Variants in METTL25B observed in about 807,000 individuals in gnomAD.
The protein encoded by METTL25B is methyltransferase like 25B.
A neutral mutation model predicts 48.4 loss-of-function variants in METTL25B; 38 were observed. The observed-to-expected ratio is 0.78, with a 90% confidence interval of 0.61 to 1.03. The LOEUF (loss-of-function observed/expected upper bound fraction) is 1.03. Among genes scored for constraint, METTL25B ranks in the 50% least tolerant of loss-of-function variants. The pLI is 0.00. For synonymous variants in METTL25B, 230 were observed against 254.5 expected (o/e 0.90, Z 0.92); for missense variants, 537 against 603.7 (o/e 0.89, Z 1.16).
chr1:156,735,893 G>A lies in METTL25B; in HGVS notation c.1290G>A (p.Leu430=). ...CGCTTATTCTACTGGACCGGCTGCT[G>A]TACCTTCAGGAACAGGGTGAGGGTG... ...VETLILLDRL[L]YLQEQGFHAE... is the part of the protein sequence containing the mutation. Residue 430 remains leucine, a synonymous_variant, in exon 7 of 8, where the codon CTG becomes CTA. Transcript: ENST00000368216. The A allele has an allele frequency of 6.2e-7, 1 of 1,611,388 alleles. No individual in the cohort carries two copies. The highest frequency in any genetic ancestry group is 8.5e-7 in the Non-Finnish European group (1 of 1,178,550).
intron 7 of METTL25B, 146 bp from the exon 8 acceptor site, chr1:156,736,486 C>A (rs1245625519): frequency 2.3e-6 from 2 of 860,360 alleles, no homozygotes; most frequent in Admixed American, 2.3e-5. Context: ...GCCTTGGGAA[C>A]CCGTGTTCCT....
Position 156,728,550 on chromosome 1 carries a change from C to T in METTL25B, c.-555C>T, listed in dbSNP as rs1648929947. Reference sequence around the variant, plus strand: ...TCGGCGCGCGCACACCCGCACCGCCCCGACCCCAGGTAGTGAGGCCAGTGA... The same window carrying T: ...TCGGCGCGCGCACACCCGCACCGCCTCGACCCCAGGTAGTGAGGCCAGTGA... On this transcript the variant is annotated 5_prime_UTR_variant, in exon 1 of 8. Coordinates refer to ENST00000368216, the MANE Select transcript of METTL25B (RefSeq NM_015997.4). The T allele has an allele frequency of 3.0e-6, 3 of 985,548 alleles. No homozygotes were observed. The African/African-American group carries it at 5.2e-5, about 17-fold the overall frequency. The allele number at this position is 985,548 out of a possible 1,614,324, so 61.1% of individuals were successfully genotyped here.
Position 156,733,367 on chromosome 1 carries a change from G to C in METTL25B, c.493-10G>C, listed in dbSNP as rs370693645. The C allele has an allele frequency of 1.9e-6, 3 of 1,613,942 alleles. No homozygotes were observed. The Admixed American group carries it at 5.0e-5, about 27-fold the overall frequency. ...GAACAGGGCTGTTTCCATCCTCCTC[G>C]TGACTCCAGGGCCATCTCTCCCGCT... On this transcript the variant is annotated splice_polypyrimidine_tract_variant and intron_variant, in intron 4 of 7. Coordinates refer to ENST00000368216, the MANE Select transcript of METTL25B (RefSeq NM_015997.4).
chr1:156,733,133 C>T lies in METTL25B; in HGVS notation c.492+86C>T, dbSNP rs1558020423. 15 of 1,329,122 alleles carry T rather than the reference C, an allele frequency of 1.1e-5. No individual in the cohort carries two copies. Among genetic ancestry groups the T allele is most frequent in the South Asian group, 6.3e-5 (5 of 78,996 alleles). The allele number at this position is 1,329,122 out of a possible 1,614,324, so 82.3% of individuals were successfully genotyped here. A position where few individuals can be genotyped will look rare whatever the true frequency, so the allele number is the denominator to read the frequency against. ...GCAGGTTATCGGGCCACAGGCCCAG[C>T]GAGGCAGGTGTCAAGAAGCGTGGAA... On this transcript the variant is annotated intron_variant, in intron 4 of 7. Transcript: ENST00000368216.
At position 156,734,503 on chromosome 1, in the gene METTL25B, G is replaced by A. The variant is rs1649568547; in HGVS notation, c.1121+10G>A. 6.4e-7 allele frequency: 1 copy of A among 1,559,682 alleles called. No individual in the cohort carries two copies. Among genetic ancestry groups the A allele is most frequent in the African/African-American group, 1.4e-5 (1 of 73,302 alleles). On this transcript the variant is annotated intron_variant, in intron 6 of 7. Coordinates refer to ENST00000368216, the MANE Select transcript of METTL25B (RefSeq NM_015997.4). ...AGCTCAAGATTGAAGAGTGAGGTTG[G>A]GGGACGGGTGGGGGGCAGTGGAGAG...
chr1:156,736,479 T>C lies in METTL25B; in HGVS notation c.1307-153T>C, dbSNP rs370498767. 5.7e-4 allele frequency: 466 copies of C among 810,616 alleles called. 4 individuals carry two copies. The East Asian group carries it at 0.011, about 19-fold the overall frequency. The allele number at this position is 810,616 out of a possible 1,614,324, so 50.2% of individuals were successfully genotyped here. A position where few individuals can be genotyped will look rare whatever the true frequency, so the allele number is the denominator to read the frequency against. ...GAGGACTGCCTCCCAAGTCAGTGCC[T>C]TGGGAACCCGTGTTCCTTATGGAGA... On this transcript the variant is annotated intron_variant, in intron 7 of 7. Transcript: ENST00000368216.
At chr1:156,730,182 C>T (rs974259191) in intron 1 of METTL25B, among the ~76,000 whole-genome samples, 6 of 152,174 alleles carry the variant, frequency 3.9e-5, no homozygotes, top group Non-Finnish European at 4.4e-5. Context: ...CCCTTGCTTC[C>T]TAGATACTTT....
At position 156,729,083 on chromosome 1, in the gene METTL25B, G is replaced by A; in HGVS notation, c.-22G>A. 1 of 1,456,144 alleles carries A rather than the reference G, an allele frequency of 6.9e-7. No homozygotes were observed. Among genetic ancestry groups the A allele is most frequent in the African/African-American group, 1.4e-5 (1 of 71,374 alleles). 90.2% of individuals were successfully genotyped at this position (1,456,144 alleles called of 1,614,324 possible). Reference sequence around the variant, plus strand: ...CCTGTTCACTGCGTTCTCGCTCCCCGCGCTCCCTGCTGGACCCCGGGATGC... The same window carrying A: ...CCTGTTCACTGCGTTCTCGCTCCCCACGCTCCCTGCTGGACCCCGGGATGC... On this transcript the variant is annotated 5_prime_UTR_variant, in exon 1 of 8. Coordinates refer to ENST00000368216, the MANE Select transcript of METTL25B (RefSeq NM_015997.4).
chr1:156,733,618 T>C, intron 5 of METTL25B, 98 bp downstream of exon 5: 1 of 1,333,236 alleles, frequency 7.5e-7, no homozygotes, highest in Admixed American at 2.1e-5. Flanking sequence ...GTTTCTCAGC[T>C]TGAACTGGTG....
chr1:156,736,909 A>T lies in METTL25B; in HGVS notation c.*156A>T. The T allele has an allele frequency of 4.5e-6, 3 of 671,622 alleles. No homozygotes were observed. The allele number at this position is 671,622 out of a possible 1,614,324, so 41.6% of individuals were successfully genotyped here. A position where few individuals can be genotyped will look rare whatever the true frequency, so the allele number is the denominator to read the frequency against. On this transcript the variant is annotated 3_prime_UTR_variant, in exon 8 of 8. Coordinates refer to ENST00000368216, the MANE Select transcript of METTL25B (RefSeq NM_015997.4). ...TTTCTCTCCTTCCATGGATTATGTAATACATTGTAAAGTTTTAATTAATTA... is the reference window on the plus strand; with the variant it reads ...TTTCTCTCCTTCCATGGATTATGTATTACATTGTAAAGTTTTAATTAATTA...
chr1:156,733,741 T>G (rs760923427), intron 5 of METTL25B: 7 of 647,592 alleles, frequency 1.1e-5, no homozygotes, highest in Non-Finnish European at 1.6e-5. Context: ...TGTATACTTC[T>G]CACTACCTGT....
chr1:156,729,405 CTTTTTTTTTCTTTTTCTT>C lies in METTL25B; in HGVS notation c.111+206_111+223del, dbSNP rs764109097. ...TTTTCAGCTGACATAAATAATATTTCTTTTTTTTTCTTTTTCTTTTTTTTTTTCTTTTTTTTTTTGAGA... is the reference window on the plus strand; with the variant it reads ...TTTTCAGCTGACATAAATAATATTTCTTTTTTTTTCTTTTTTTTTTTGAGA... On this transcript the variant is annotated intron_variant, in intron 1 of 7. Coordinates refer to ENST00000368216, the MANE Select transcript of METTL25B (RefSeq NM_015997.4). 322 of 402,688 alleles carry C rather than the reference CTTTTTTTTTCTTTTTCTT, an allele frequency of 8.0e-4. 2 individuals are homozygous for C. The East Asian group carries it at 0.012, about 15-fold the overall frequency. The allele number at this position is 402,688 out of a possible 1,614,324, so 24.9% of individuals were successfully genotyped here.
At position 156,736,740 on chromosome 1, in the gene METTL25B, C is replaced by T; in HGVS notation, c.1415C>T (p.Thr472Ile). ...GGTCAGGCTCTTTCTGTTCTGGAGA[C>T]TGAAGACAGCTGATGCAGCCTGAGG... ...PLGQALSVLE[T>I]EDS Residue 472 changes from threonine to isoleucine, a missense_variant, in exon 8 of 8, where the codon ACT becomes ATT. Coordinates refer to ENST00000368216, the MANE Select transcript of METTL25B (RefSeq NM_015997.4). 6.2e-7 allele frequency: 1 copy of T among 1,612,264 alleles called. No individual in the cohort carries two copies. The highest frequency in any genetic ancestry group is 8.5e-7 in the Non-Finnish European group (1 of 1,180,000).
intron 6 of METTL25B, among the ~76,000 whole-genome samples, chr1:156,735,296 A>G (rs1215999078): frequency 6.6e-6 from 1 of 151,440 alleles, no homozygotes; most frequent in East Asian, 2.0e-4. Flanking sequence ...CTCCAAAAAA[A>G]AAAAAAGTTT....
Position 156,733,026 on chromosome 1 carries a change from T to G in METTL25B, c.471T>G (p.Val157=), listed in dbSNP as rs1206759093. 6.2e-7 allele frequency: 1 copy of G among 1,614,208 alleles called. No homozygotes were observed. The highest frequency in any genetic ancestry group is 1.1e-5 in the South Asian group (1 of 91,088). ...GTGATTTCACAGGCTGCACCCAGGT[T>G]GTAGACGTGGGCTCAGGCCAGGTGA... is the stretch of plus-strand genomic sequence containing the variant. The part of the protein sequence containing the change: ...KLSDFTGCTQ[V]VDVGSGQGHL... The change falls in exon 4 of 8, where the codon GTT becomes GTG. Residue 157 remains valine (V), a synonymous_variant. Transcript: ENST00000368216.
In METTL25B at chr1:156,733,521, G is replaced by A; in HGVS notation, c.636+1G>A. The A allele has an allele frequency of 6.2e-7, 1 of 1,613,578 alleles. No homozygotes were observed. The highest frequency in any genetic ancestry group is 8.5e-7 in the Non-Finnish European group (1 of 1,179,960). ...GAAAGAGGAGAAGAGGAACCCGCAG[G>A]TAGGCCAACCCTTCCTGCGACCTGG... On this transcript the variant is annotated splice_donor_variant, in intron 5 of 7. Coordinates refer to ENST00000368216, the MANE Select transcript of METTL25B (RefSeq NM_015997.4). LOFTEE classifies it high-confidence loss of function.
At chr1:156,735,615 G>T in intron 6 of METTL25B, 110 bp from the exon 7 acceptor site, 2 of 439,606 alleles carry the variant, frequency 4.5e-6, no homozygotes. Context: ...AACGCATATT[G>T]GGGTAGAAAA....
chr1:156,736,038 T>C (rs2102675470), intron 7 of METTL25B, 129 bp downstream of exon 7: 1 of 758,650 alleles, frequency 1.3e-6, no homozygotes, highest in Non-Finnish European at 2.1e-6. Context: ...ACCCCACCTT[T>C]GAGTAGGGGA....
intron 1 of METTL25B, among the ~76,000 whole-genome samples, chr1:156,731,163 G>C (rs1456694515): frequency 6.6e-6 from 1 of 152,198 alleles, no homozygotes; most frequent in Non-Finnish European, 1.5e-5. Flanking sequence ...TTGCTCTGCT[G>C]CCCAGGCTGG....
Sources: allele counts gnomAD v4.1 joint callset (sites outside exome capture counted in the v4.1 genomes callset), GRCh38; gene constraint gnomAD v4.1.1; transcripts MANE v1.5; gene names NCBI Gene and HGNC (gene_info 2026-07-23, HGNC 2026-07-21).